Variants in JAK2 observed in about 807,000 individuals in gnomAD.
JAK2 encodes Janus kinase 2.
JAK2 carries 86 observed loss-of-function variants against 139.3 expected under a neutral mutation model. The ratio of observed to expected loss-of-function variants is 0.62; its 90% CI spans 0.52 to 0.74. JAK2 has a LOEUF of 0.74. Ranked by LOEUF, JAK2 falls within the 30% of genes least tolerant of loss-of-function variation. The pLI is 0.00. For synonymous variants in JAK2, 490 were observed against 437.7 expected (o/e 1.12, Z -1.49); for missense variants, 1,421 against 1,360.3 (o/e 1.04, Z -0.70).
intron 4 of JAK2, among the ~76,000 whole-genome samples, chr9:5,035,421 A>G (rs1823507103): frequency 6.6e-6 from 1 of 152,176 alleles, no homozygotes; most frequent in Non-Finnish European, 1.5e-5. Flanking sequence ...CCTGGCAGAG[A>G]CACAACCAAA....
At chr9:5,103,272 C>T (rs898164304) in intron 22 of JAK2, among the ~76,000 whole-genome samples, 46 of 124,380 alleles carry the variant, frequency 3.7e-4, no homozygotes, top group Admixed American at 7.2e-4. Flanking sequence ...GTTGCAATCC[C>T]GGTCTCTGAA....
At chr9:5,075,432 G>T (rs1203049350) in intron 14 of JAK2, among the ~76,000 whole-genome samples, 3 of 151,772 alleles carry the variant, frequency 2.0e-5, no homozygotes, top group Admixed American at 6.6e-5. Flanking sequence ...CAATGCCATT[G>T]GTGATTTGAA....
chr9:5,037,366 C>CAAAGGATTATAAATCATGCTGCTAT (rs1816127754), intron 4 of JAK2, among the ~76,000 whole-genome samples: 1 of 152,062 alleles, frequency 6.6e-6, no homozygotes, highest in Non-Finnish European at 1.5e-5. Context: ...GGTATATACC[C>CAAAGGATTATAAATCATGCTGCTAT]AAAGGATTAT....
chr9:5,057,230 ACTT>A (rs35301068), intron 8 of JAK2, among the ~76,000 whole-genome samples: 12,862 of 151,952 alleles, frequency 0.085, 1,600 homozygotes, highest in African/African-American at 0.28. Flanking sequence ...TAAAATTAAT[ACTT>A]CTTCTCTGTG....
intron 22 of JAK2, among the ~76,000 whole-genome samples, chr9:5,122,290 A>G (rs748415686): frequency 1.8e-4 from 28 of 152,148 alleles, no homozygotes; most frequent in Non-Finnish European, 3.5e-4. Context: ...TCCCTTGGAT[A>G]GTGTTAATGC....
chr9:4,995,742 T>C (rs1452934975), intron 2 of JAK2, among the ~76,000 whole-genome samples: 2 of 152,236 alleles, frequency 1.3e-5, no homozygotes, highest in South Asian at 2.1e-4. Flanking sequence ...CATTTAGGAA[T>C]AGAAGCAGAT....
At chr9:5,019,698 C>G (rs935729986) in intron 2 of JAK2, among the ~76,000 whole-genome samples, 1 of 152,124 alleles carries the variant, frequency 6.6e-6, no homozygotes. Context: ...TAGGGTAGGA[C>G]TTTTTCCTGA....
At chr9:5,096,289 G>A (rs1288324717) in intron 22 of JAK2, among the ~76,000 whole-genome samples, 3 of 152,040 alleles carry the variant, frequency 2.0e-5, no homozygotes, top group Admixed American at 2.0e-4. Flanking sequence ...TAAGACCAGG[G>A]ACCTTCAAAA....
intron 22 of JAK2, among the ~76,000 whole-genome samples, chr9:5,104,310 C>A (rs555558936): frequency 6.6e-6 from 1 of 152,280 alleles, no homozygotes; most frequent in East Asian, 1.9e-4. Flanking sequence ...ACTAGAAAAT[C>A]TAGAAGAAAT....
intron 3 of JAK2, among the ~76,000 whole-genome samples, chr9:5,028,857 C>G (rs1012057784): frequency 6.6e-6 from 1 of 152,204 alleles, no homozygotes; most frequent in Admixed American, 6.5e-5. Context: ...TAGGGTTTGG[C>G]TTGAGGGAAT....
chr9:5,100,730 CACGATT>C (rs1374936816), intron 22 of JAK2: 2 of 152,218 alleles, frequency 1.3e-5, no homozygotes, highest in South Asian at 2.1e-4. Context: ...CACTATCCAT[CACGATT>C]ACCTTAGGTA....
At chr9:5,043,047 C>A (rs905224001) in intron 4 of JAK2, among the ~76,000 whole-genome samples, 1 of 152,184 alleles carries the variant, frequency 6.6e-6, no homozygotes, top group Non-Finnish European at 1.5e-5. Flanking sequence ...TGGAGGCGCG[C>A]GGGCTCGTGG....
chr9:5,086,160 G>T, intron 19 of JAK2: 1 of 363,262 alleles, frequency 2.8e-6, no homozygotes, highest in Non-Finnish European at 4.3e-6. Context: ...TCGGGGAGCG[G>T]TCTCCACGCC....
At chr9:5,020,650 C>T (rs1014022017) in intron 2 of JAK2, among the ~76,000 whole-genome samples, 22 of 152,136 alleles carry the variant, frequency 1.4e-4, no homozygotes, top group African/African-American at 5.3e-4. Context: ...CATTTTGACA[C>T]CTAGCGGCAG....
chr9:5,111,069 GC>G, intron 22 of JAK2: 1 of 1,205,822 alleles, frequency 8.3e-7, no homozygotes, highest in Non-Finnish European at 1.2e-6. Context: ...TTGAGAACTG[GC>G]CCAGCTCAGG....
intron 22 of JAK2, among the ~76,000 whole-genome samples, chr9:5,106,849 T>A (rs774577786): frequency 7.2e-5 from 11 of 152,046 alleles, no homozygotes; most frequent in Non-Finnish European, 1.0e-4. Flanking sequence ...AGTTGAACAA[T>A]GAGAACACTT....
At chr9:5,049,168 A>C (rs1326113884) in intron 5 of JAK2, among the ~76,000 whole-genome samples, 4 of 152,158 alleles carry the variant, frequency 2.6e-5, no homozygotes, top group Non-Finnish European at 5.9e-5. Flanking sequence ...GCCATACACC[A>C]GCCTCTTAAA....
At chr9:5,035,388 C>G (rs546978136) in intron 4 of JAK2, among the ~76,000 whole-genome samples, 1 of 152,292 alleles carries the variant, frequency 6.6e-6, no homozygotes, top group East Asian at 1.9e-4. Flanking sequence ...TTTTATGAGG[C>G]CAGCATCATC....
At chr9:5,041,408 G>T (rs1373918813) in intron 4 of JAK2, 7 of 629,958 alleles carry the variant, frequency 1.1e-5, no homozygotes, top group Non-Finnish European at 2.1e-5. Flanking sequence ...CAACCTGGAG[G>T]TGCTGGGCCA....
Sources: gnomAD v4.1 joint callset for allele counts (sites outside exome capture counted in the v4.1 genomes callset) on GRCh38, gnomAD v4.1.1 for gene constraint, MANE v1.5 for transcripts, NCBI Gene and HGNC (gene_info 2026-07-23, HGNC 2026-07-21) for gene names.